Variants in ADARB2 observed in about 807,000 individuals in gnomAD.
ADARB2 encodes inactive double-stranded RNA-specific editase B2.
Under a neutral mutation model 62.2 loss-of-function variants are expected in ADARB2, and 25 were observed. That is an observed-to-expected ratio of 0.40 (90% CI 0.29 to 0.56). ADARB2 has a LOEUF of 0.56. Ranked by LOEUF, ADARB2 falls within the 20% of genes least tolerant of loss-of-function variation. ADARB2 has a pLI of 0.43. For missense variants in ADARB2, 1,071 were observed against 1,077.4 expected (o/e 0.99, Z 0.08); for synonymous variants, 572 against 500.8 (o/e 1.14, Z -1.90).
intron 1 of ADARB2, among the ~76,000 whole-genome samples, chr10:1,428,585 C>G (rs1405838914): frequency 6.6e-6 from 1 of 152,060 alleles, no homozygotes; most frequent in Non-Finnish European, 1.5e-5. Context: ...CCACGCCCAG[C>G]CTTTTATTCC....
In ADARB2 at chr10:1,217,074, C is replaced by T. The variant is rs749375883; in HGVS notation, c.1559G>A (p.Arg520His). 8.7e-6 allele frequency: 14 copies of T among 1,607,164 alleles called. No homozygotes were observed. Among genetic ancestry groups the T allele is most frequent in the African/African-American group, 4.0e-5 (3 of 74,842 alleles). Residue 520 changes from arginine to histidine, a missense_variant, in exon 7 of 10, where the codon CGC (arginine) becomes CAC (histidine). Arg to His is a conservative substitution (Grantham distance 29, BLOSUM62 0). Coordinates refer to ENST00000381312, the MANE Select transcript of ADARB2 (RefSeq NM_018702.4). Reference sequence around the variant, plus strand: ...CCCTTCCCCGGACTCGATCTTGGTGCGCAGGTGCCCGCGGAACTTCCTGAC... The same window carrying T: ...CCCTTCCCCGGACTCGATCTTGGTGTGCAGGTGCCCGCGGAACTTCCTGAC... ...HLVRKFRGHL[R>H]TKIESGEGTV...
intron 3 of ADARB2, among the ~76,000 whole-genome samples, chr10:1,347,326 T>C (rs968992726): frequency 2.0e-5 from 3 of 152,208 alleles, no homozygotes; most frequent in Non-Finnish European, 4.4e-5. Flanking sequence ...AAGAATGAGA[T>C]TGCCAAATGC....
chr10:1,541,453 T>C (rs868293034), intron 1 of ADARB2, among the ~76,000 whole-genome samples: 1 of 73,468 alleles, frequency 1.4e-5, no homozygotes, highest in Non-Finnish European at 2.5e-5. Context: ...ATCACAGCCG[T>C]CCAGACCCCA....
At chr10:1,501,869 C>T (rs1831772112) in intron 1 of ADARB2, among the ~76,000 whole-genome samples, 1 of 152,146 alleles carries the variant, frequency 6.6e-6, no homozygotes, top group Non-Finnish European at 1.5e-5. Context: ...AAGGACAAAG[C>T]CATTTGATTC....
At chr10:1,625,417 T>G (rs1805906904) in intron 1 of ADARB2, among the ~76,000 whole-genome samples, 1 of 152,230 alleles carries the variant, frequency 6.6e-6, no homozygotes, top group Non-Finnish European at 1.5e-5. Flanking sequence ...GACTGAGGTT[T>G]GCACCTTGGC....
At chr10:1,258,370 GAA>G (rs779793069) in intron 4 of ADARB2, among the ~76,000 whole-genome samples, 4 of 152,088 alleles carry the variant, frequency 2.6e-5, no homozygotes, top group African/African-American at 4.8e-5. Context: ...TGGCAAATTG[GAA>G]AAAGAGTCAA....
chr10:1,397,896 C>A (rs1414638280), intron 1 of ADARB2, among the ~76,000 whole-genome samples: 1 of 129,602 alleles, frequency 7.7e-6, no homozygotes, highest in African/African-American at 3.1e-5. Flanking sequence ...TCTCCCCTCC[C>A]GAGTGGAGGC....
chr10:1,532,317 C>T lies in ADARB2; in HGVS notation c.101-153157G>A, dbSNP rs192473760. Among the ~76,000 whole-genome samples the T allele has an allele frequency of 7.9e-5, 12 of 152,282 alleles. No homozygotes were observed. In the East Asian group the frequency reaches 2.3e-3, roughly 29 times the overall value. ...TCTTTCTTTTAAGAAACCAACAAAA[C>T]CAGCACCAAAAACAGCTGTTGACCC... On this transcript the variant is annotated intron_variant, in intron 1 of 9. Coordinates refer to ENST00000381312, the MANE Select transcript of ADARB2 (RefSeq NM_018702.4).
chr10:1,324,205 T>C (rs865858520), intron 3 of ADARB2, among the ~76,000 whole-genome samples: 1 of 152,232 alleles, frequency 6.6e-6, no homozygotes, highest in South Asian at 2.1e-4. Flanking sequence ...AGGTACCATA[T>C]GAGTCCACAC....
chr10:1,378,632 C>T (rs1832455284), intron 2 of ADARB2, among the ~76,000 whole-genome samples: 2 of 152,108 alleles, frequency 1.3e-5, no homozygotes, highest in Non-Finnish European at 1.5e-5. Flanking sequence ...AATGGGACCA[C>T]AGGTGAGGAT....
chr10:1,280,182 AC>A (rs1486498028), intron 3 of ADARB2, among the ~76,000 whole-genome samples: 1 of 152,176 alleles, frequency 6.6e-6, no homozygotes, highest in Non-Finnish European at 1.5e-5. Context: ...CTTAACCTGA[AC>A]TACTTCCTTA....
intron 1 of ADARB2, among the ~76,000 whole-genome samples, chr10:1,473,218 C>T (rs2131918381): frequency 6.6e-6 from 1 of 152,302 alleles, no homozygotes; most frequent in South Asian, 2.1e-4. Flanking sequence ...AATAAACTCT[C>T]ACTCCTGCTC....
At chr10:1,499,399 TACTC>T (rs1831735391) in intron 1 of ADARB2, among the ~76,000 whole-genome samples, 1 of 151,892 alleles carries the variant, frequency 6.6e-6, no homozygotes, top group Non-Finnish European at 1.5e-5. Flanking sequence ...TATCAGTCAT[TACTC>T]ATTCATCACT....
chr10:1,587,475 C>A (rs889242361), intron 1 of ADARB2, among the ~76,000 whole-genome samples: 1 of 151,480 alleles, frequency 6.6e-6, no homozygotes, highest in Non-Finnish European at 1.5e-5. Context: ...GGTGTAGGTT[C>A]GGTTTCAGAC....
chr10:1,394,340 C>A (rs79146961), intron 1 of ADARB2, among the ~76,000 whole-genome samples: 60 of 152,318 alleles, frequency 3.9e-4, no homozygotes, highest in African/African-American at 1.4e-3. Flanking sequence ...GGGGCCCAGC[C>A]TCAAGGCCCG....
chr10:1,733,359 T>G (rs1260246366), intron 1 of ADARB2, among the ~76,000 whole-genome samples: 1 of 152,160 alleles, frequency 6.6e-6, no homozygotes, highest in African/African-American at 2.4e-5. Flanking sequence ...GGTAGAAGAT[T>G]AAAAATATTT....
chr10:1,227,152 T>C (rs892165868), intron 6 of ADARB2, among the ~76,000 whole-genome samples: 1 of 152,240 alleles, frequency 6.6e-6, no homozygotes, highest in East Asian at 1.9e-4. Flanking sequence ...CAGTTTGATC[T>C]GGACTGCTGT....
At chr10:1,656,191 C>A (rs746076795) in intron 1 of ADARB2, among the ~76,000 whole-genome samples, 2 of 152,186 alleles carry the variant, frequency 1.3e-5, no homozygotes, top group Admixed American at 1.3e-4. Context: ...GGTACTACAT[C>A]GCCAAAATGG....
intron 3 of ADARB2, among the ~76,000 whole-genome samples, chr10:1,344,586 C>A (rs1475437950): frequency 1.3e-5 from 2 of 152,330 alleles, no homozygotes; most frequent in African/African-American, 4.8e-5. Flanking sequence ...GGAGGCCGAC[C>A]CCAGCACCCT....
Sources: allele counts gnomAD v4.1 joint callset (sites outside exome capture counted in the v4.1 genomes callset), GRCh38; gene constraint gnomAD v4.1.1; transcripts MANE v1.5; gene names NCBI Gene and HGNC (gene_info 2026-07-23, HGNC 2026-07-21).